COMMD5: variants seen among roughly 807,000 people sequenced by gnomAD.
The protein encoded by COMMD5 is COMM domain containing 5, also known as COMM domain-containing protein 5.
Under a neutral mutation model 6.9 loss-of-function variants are expected in COMMD5, and 10 were observed. The observed-to-expected ratio is 1.44, with a 90% CI of 0.89 to 2.45. The LOEUF is 2.45. COMMD5 is among the 30% of genes most tolerant of loss of function. The pLI is 0.00. For missense variants in COMMD5, 234 were observed against 287.8 expected (o/e 0.81, Z 1.35); for synonymous variants, 127 against 125.3 (o/e 1.01, Z -0.09).
Position 144,851,050 on chromosome 8 carries a change from G to A in COMMD5, c.289C>T (p.Leu97Phe), listed in dbSNP as rs781753190. The stretch of plus-strand genomic sequence containing the variant: ...TTCAGGCTGGTGGGGGGCAGACGGA[G>A]GGCCTGCTGGAGCAGTGTGTGCATG... ...AGMHTLLQQALRLPPTSLKPD... is the reference protein window; with the variant it reads ...AGMHTLLQQAFRLPPTSLKPD... The change falls in exon 2 of 2, where the codon CTC becomes TTC. Residue 97 changes from leucine to phenylalanine, a missense_variant. Coordinates refer to ENST00000305103, the MANE Select transcript of COMMD5 (RefSeq NM_014066.4). The A allele has an allele frequency of 1.1e-5, 18 of 1,612,504 alleles. No homozygotes were observed. Among genetic ancestry groups the A allele is most frequent in the Non-Finnish European group, 1.4e-5 (17 of 1,179,810 alleles).
chr8:144,847,109 C>G (rs1231210836), downstream of COMMD5: 1 of 152,220 alleles, frequency 6.6e-6, no homozygotes, highest in Non-Finnish European at 1.5e-5. Flanking sequence ...AGCTACTGCA[C>G]AGCTTTGAGA....
intron 1 of COMMD5, chr8:144,843,181 T>C: frequency 6.4e-7 from 1 of 1,553,456 alleles, no homozygotes. Context: ...CACTTACATA[T>C]AAATGTGTAT....
At chr8:144,849,613 G>A (rs990328897), downstream of COMMD5, among the ~76,000 whole-genome samples, 9 of 152,136 alleles carry the variant, frequency 5.9e-5, no homozygotes, top group Admixed American at 4.6e-4. Flanking sequence ...GAAGCCAGCT[G>A]ACCGAAAATG....
downstream of COMMD5, among the ~76,000 whole-genome samples, chr8:144,840,397 G>A (rs1829726572): frequency 6.6e-6 from 1 of 152,224 alleles, no homozygotes; most frequent in South Asian, 2.1e-4. Flanking sequence ...TTGAAGCCCT[G>A]TAACTGGGCT....
chr8:144,848,445 C>T (rs1446841191), downstream of COMMD5, among the ~76,000 whole-genome samples: 2 of 150,976 alleles, frequency 1.3e-5, no homozygotes, highest in Admixed American at 6.6e-5. Context: ...TGCAATGAGT[C>T]GAGATCGTGC....
chr8:144,839,693 A>G (rs1009961075), downstream of COMMD5, among the ~76,000 whole-genome samples: 9 of 152,252 alleles, frequency 5.9e-5, no homozygotes, highest in African/African-American at 2.2e-4. Context: ...TAGATAAAAC[A>G]TGCAGCAGCA....
At position 144,850,512 on chromosome 8, in the gene COMMD5, A is replaced by T; in HGVS notation, c.*152T>A. The T allele has an allele frequency of 1.2e-6, 1 of 844,346 alleles. No individual in the cohort carries two copies. The highest frequency in any genetic ancestry group is 1.8e-6 in the Non-Finnish European group (1 of 560,918). The allele number at this position is 844,346 out of a possible 1,614,324, so 52.3% of individuals were successfully genotyped here. On this transcript the variant is annotated 3_prime_UTR_variant, in exon 2 of 2. Coordinates refer to ENST00000305103, the MANE Select transcript of COMMD5 (RefSeq NM_014066.4). This position sits in a 1 kb window ranked among gnomAD's most constrained non-coding sequence, Gnocchi z 4.0. ...AAAGGCATAGCTCTCTTTTTCAATT[A>T]AACAGAAAACTACATAATTACGTTC...
In COMMD5 at chr8:144,851,304, T is replaced by A. The variant is rs1830733656; in HGVS notation, c.35A>T (p.His12Leu). The change falls in exon 2 of 2, where the codon CAT becomes CTT. Residue 12 changes from histidine to leucine, a missense_variant. His to Leu is a moderately conservative substitution (Grantham distance 99). Transcript: ENST00000305103. Reference sequence around the variant, plus strand: ...GCCACTGTGACTATCACCAGGATGATGCAGGTATGGAGTTGCAGCCCCCAC... The same window carrying A: ...GCCACTGTGACTATCACCAGGATGAAGCAGGTATGGAGTTGCAGCCCCCAC... ...SAVGAATPYL[H>L]HPGDSHSGRV... 1.4e-5 allele frequency: 23 copies of A among 1,613,500 alleles called. No homozygotes were observed. Among genetic ancestry groups the A allele is most frequent in the Non-Finnish European group, 1.9e-5 (23 of 1,179,746 alleles).
At chr8:144,846,034 T>C (rs1394891815), downstream of COMMD5, 1 of 1,536,654 alleles carries the variant, frequency 6.5e-7, no homozygotes, top group South Asian at 1.2e-5. Context: ...ATGCACCGCC[T>C]GCAACTCCTG....
At chr8:144,838,522 ACCTC>A (rs2130642299), downstream of COMMD5, 1 of 187,766 alleles carries the variant, frequency 5.3e-6, no homozygotes, top group East Asian at 1.4e-4. Context: ...GAAGCCCCTC[ACCTC>A]CCTTTCAGTT....
At chr8:144,849,387 C>A (rs1298095578), downstream of COMMD5, among the ~76,000 whole-genome samples, 1 of 152,096 alleles carries the variant, frequency 6.6e-6, no homozygotes, top group Non-Finnish European at 1.5e-5. Flanking sequence ...GTCTACTGAC[C>A]CCACCCCCAG....
downstream of COMMD5, among the ~76,000 whole-genome samples, chr8:144,848,874 G>A (rs1265824185): frequency 2.0e-5 from 3 of 152,136 alleles, no homozygotes; most frequent in Admixed American, 1.3e-4. Flanking sequence ...CCCAGTCCCA[G>A]GAATGGCCCA....
downstream of COMMD5, among the ~76,000 whole-genome samples, chr8:144,845,519 T>G (rs572617812): frequency 6.6e-6 from 1 of 152,302 alleles, no homozygotes; most frequent in Non-Finnish European, 1.5e-5. Flanking sequence ...GATGCTTTTT[T>G]GCTGAAATTG....
chr8:144,851,150 GTCC>G lies in COMMD5; in HGVS notation c.186_188del (p.Glu62del), dbSNP rs1563856490. 1 of 1,613,302 alleles carries G rather than the reference GTCC, an allele frequency of 6.2e-7. No individual in the cohort carries two copies. The highest frequency in any genetic ancestry group is 1.1e-5 in the South Asian group (1 of 91,080). ...CAAGACGCTGCACAGCCTCTCGGCAGTCCTCCCCCTGCAGGCTGCTGACCACAA... is the reference window on the plus strand; with the variant it reads ...CAAGACGCTGCACAGCCTCTCGGCAGTCCCCCTGCAGGCTGCTGACCACAA... On this transcript the variant is annotated inframe_deletion, in exon 2 of 2. Transcript: ENST00000305103.
chr8:144,841,748 A>C, intron 1 of COMMD5: 1 of 1,614,202 alleles, frequency 6.2e-7, no homozygotes, highest in Non-Finnish European at 8.5e-7. Context: ...ATCGCTCTGC[A>C]TTGGGAAATT....
chr8:144,845,875 G>C (rs1052173061), downstream of COMMD5: 26 of 1,142,700 alleles, frequency 2.3e-5, no homozygotes, highest in African/African-American at 3.9e-4. Context: ...TCCCTGCCTT[G>C]CGTCACGTGG....
At chr8:144,845,777 G>C (rs991771148), downstream of COMMD5, among the ~76,000 whole-genome samples, 3 of 152,172 alleles carry the variant, frequency 2.0e-5, no homozygotes, top group Non-Finnish European at 4.4e-5. Flanking sequence ...CACAGCCATG[G>C]AGTCAGTGCA....
At position 144,851,331 on chromosome 8, in the gene COMMD5, G is replaced by A. The variant is rs973756611; in HGVS notation, c.8C>T (p.Ala3Val). Residue 3 changes from alanine to valine, a missense_variant, in exon 2 of 2, where the codon GCT (alanine) becomes GTT (valine). Physicochemically the swap from Ala to Val is moderately conservative, Grantham distance 64. Transcript: ENST00000305103. Reference protein sequence around the residue: MSAVGAATPYLHH... With the variant: MSVVGAATPYLHH... The stretch of plus-strand genomic sequence containing the variant: ...CAGGTATGGAGTTGCAGCCCCCACA[G>A]CAGACATTGCTGCTGCTTCCTCTTT... 5.6e-6 allele frequency: 9 copies of A among 1,604,608 alleles called. No homozygotes were observed. In the East Asian group the frequency reaches 1.3e-4, roughly 24 times the overall value.
chr8:144,851,385 G>A lies in COMMD5; in HGVS notation c.-47C>T. ...CAGCCAGCCCAGGAGGTCGGTCCCAGATGCAGATGCCTAGAGTGGGGTGGA... is the reference window on the plus strand; with the variant it reads ...CAGCCAGCCCAGGAGGTCGGTCCCAAATGCAGATGCCTAGAGTGGGGTGGA... On this transcript the variant is annotated 5_prime_UTR_variant, in exon 2 of 2. Transcript: ENST00000305103. 1 of 1,562,702 alleles carries A rather than the reference G, an allele frequency of 6.4e-7. No individual in the cohort carries two copies. Among genetic ancestry groups the A allele is most frequent in the Non-Finnish European group, 8.7e-7 (1 of 1,150,444 alleles).
Sources: gnomAD v4.1 joint callset for allele counts (sites outside exome capture counted in the v4.1 genomes callset) on GRCh38, gnomAD v4.1.1 for gene constraint, Gnocchi (gnomAD v3.1) non-coding constraint, MANE v1.5 for transcripts, NCBI Gene and HGNC (gene_info 2026-07-23, HGNC 2026-07-21) for gene names.